Variants in MTUS2 observed in about 807,000 individuals in gnomAD.
MTUS2 encodes microtubule-associated tumor suppressor candidate 2.
A neutral mutation model predicts 114.1 loss-of-function variants in MTUS2; 40 were observed. That is an observed-to-expected ratio of 0.35 (90% confidence interval 0.27 to 0.46). The LOEUF (loss-of-function observed/expected upper bound fraction) is 0.46. MTUS2 is among the 20% of genes least tolerant of loss of function. MTUS2 has a pLI of 1.00. For missense variants in MTUS2, 1,679 were observed against 1,705.4 expected (o/e 0.98, Z 0.27); for synonymous variants, 688 against 672.0 (o/e 1.02, Z -0.37).
At position 29,319,160 on chromosome 13, in the gene MTUS2, A is replaced by G. The variant is rs917587948; in HGVS notation, c.2807-5453A>G. Among the ~76,000 whole-genome samples, 26 of 152,190 alleles carry G rather than the reference A, an allele frequency of 1.7e-4. No individual in the cohort carries two copies. In the East Asian group the frequency reaches 5.0e-3, roughly 29 times the overall value. ...CTGTGCATTTATTGATTAAGGAGCT[A>G]TTTTCTCTGGCCGGCATTGTATTAT... On this transcript the variant is annotated intron_variant, in intron 6 of 15. Coordinates refer to ENST00000612955, the MANE Select transcript of MTUS2 (RefSeq NM_001033602.4).
intron 8 of MTUS2, among the ~76,000 whole-genome samples, chr13:29,392,420 G>C (rs924554651): frequency 1.3e-5 from 2 of 152,136 alleles, no homozygotes; most frequent in Admixed American, 1.3e-4. Flanking sequence ...TGGGATCTGT[G>C]CAGAGTGCAG....
chr13:29,466,491 C>T (rs780272492), intron 9 of MTUS2, among the ~76,000 whole-genome samples: 9 of 152,158 alleles, frequency 5.9e-5, no homozygotes, highest in Non-Finnish European at 1.3e-4. Flanking sequence ...GAAAATCATG[C>T]CTTTCCTGTT....
intron 2 of MTUS2, among the ~76,000 whole-genome samples, chr13:28,842,359 G>A (rs1875569442): frequency 6.6e-6 from 1 of 152,116 alleles, no homozygotes; most frequent in South Asian, 2.1e-4. Flanking sequence ...AACACCAAGG[G>A]GAGTGAGAAT....
intron 4 of MTUS2, among the ~76,000 whole-genome samples, chr13:29,054,810 A>G (rs925614978): frequency 9.2e-5 from 14 of 152,070 alleles, no homozygotes; most frequent in South Asian, 2.1e-4. Context: ...AAGATTTTCT[A>G]ATTTCTCTCA....
At chr13:29,045,352 G>C (rs1887566074) in intron 4 of MTUS2, among the ~76,000 whole-genome samples, 1 of 152,152 alleles carries the variant, frequency 6.6e-6, no homozygotes, top group African/African-American at 2.4e-5. Flanking sequence ...ATGGGGGAGA[G>C]ATAGATTATT....
At chr13:28,963,315 C>T (rs749762777) in intron 2 of MTUS2, among the ~76,000 whole-genome samples, 25 of 152,178 alleles carry the variant, frequency 1.6e-4, no homozygotes, top group Non-Finnish European at 2.9e-4. Context: ...CGTGCCACTG[C>T]ACTCCAGCCT....
At chr13:29,193,581 A>G (rs1304030806) in intron 5 of MTUS2, among the ~76,000 whole-genome samples, 1 of 152,212 alleles carries the variant, frequency 6.6e-6, no homozygotes, top group Non-Finnish European at 1.5e-5. Context: ...CCACTGCTCA[A>G]TGAAATAAAA....
intron 9 of MTUS2, among the ~76,000 whole-genome samples, chr13:29,441,670 C>T (rs977008549): frequency 6.6e-6 from 1 of 152,116 alleles, no homozygotes; most frequent in Non-Finnish European, 1.5e-5. Context: ...CTGCCCAATG[C>T]CAGGGACTGT....
chr13:28,885,808 T>A (rs1329410408), intron 2 of MTUS2, among the ~76,000 whole-genome samples: 1 of 152,212 alleles, frequency 6.6e-6, no homozygotes, highest in Non-Finnish European at 1.5e-5. Context: ...GAGGATATAG[T>A]AGTGGACAAA....
intron 2 of MTUS2, among the ~76,000 whole-genome samples, chr13:28,936,130 T>C (rs1227202189): frequency 6.6e-6 from 1 of 152,178 alleles, no homozygotes; most frequent in East Asian, 1.9e-4. Context: ...CATGTTCTTT[T>C]ACAGGCCCTG....
intron 4 of MTUS2, among the ~76,000 whole-genome samples, chr13:29,096,485 C>G (rs1181413682): frequency 6.6e-6 from 1 of 152,210 alleles, no homozygotes; most frequent in Non-Finnish European, 1.5e-5. Context: ...CTGGATAGCT[C>G]TTTTCAGTTA....
rs57654117 is a variant in MTUS2 at position 29,088,058 on chromosome 13, C to CAAA, written c.2447-12693_2447-12691dup. Among the ~76,000 whole-genome samples, 199 of 135,520 alleles carry CAAA rather than the reference C, an allele frequency of 1.5e-3. 3 individuals are homozygous for CAAA. Among genetic ancestry groups the CAAA allele is most frequent in the African/African-American group, 5.5e-3 (188 of 33,880 alleles). The allele number at this position is 135,520 out of a possible 152,430, so 88.9% of individuals were successfully genotyped here. ...TGGGTGACAGAGCAAGACTCCGTCTCAAAAAAAAAAAAAAAAAAAAAAAAG... is the reference window on the plus strand; with the variant it reads ...TGGGTGACAGAGCAAGACTCCGTCTCAAAAAAAAAAAAAAAAAAAAAAAAAAAG... On this transcript the variant is annotated intron_variant, in intron 4 of 15. Transcript: ENST00000612955.
intron 2 of MTUS2, 137 bp downstream of exon 2, chr13:28,839,987 A>T (rs1875361287): frequency 6.7e-6 from 1 of 149,426 alleles, no homozygotes; most frequent in Non-Finnish European, 1.5e-5. Flanking sequence ...AAGTGATATT[A>T]TTAATGAAAG....
intron 2 of MTUS2, among the ~76,000 whole-genome samples, chr13:28,903,333 T>C (rs1005896750): frequency 1.3e-5 from 2 of 151,836 alleles, no homozygotes; most frequent in African/African-American, 4.8e-5. Context: ...TACATATGTA[T>C]ACATGTGCCA....
intron 6 of MTUS2, among the ~76,000 whole-genome samples, chr13:29,302,490 C>T (rs1389451033): frequency 6.6e-6 from 1 of 152,180 alleles, no homozygotes; most frequent in East Asian, 1.9e-4. Context: ...CCTGGGATCC[C>T]TGGGAAGATG....
rs1379343225 is a variant in MTUS2 at position 29,499,438 on chromosome 13, G to A, written c.3798+901G>A. 2.6e-5 allele frequency among the ~76,000 whole-genome samples: 4 copies of A among 152,128 alleles called. No homozygotes were observed. The South Asian group carries it at 6.2e-4, about 24-fold the overall frequency. On this transcript the variant is annotated intron_variant, in intron 14 of 15. Transcript: ENST00000612955. ...ATTCTTATTTTTTCCCTTTATTATT[G>A]TTACTTTAAAAATAAACTTTTGATA... is the stretch of plus-strand genomic sequence containing the variant.
intron 3 of MTUS2, among the ~76,000 whole-genome samples, chr13:29,033,581 A>G (rs1228125858): frequency 1.3e-5 from 2 of 152,220 alleles, no homozygotes; most frequent in African/African-American, 4.8e-5. Flanking sequence ...TAGTTTGGCT[A>G]CTCACTCAGA....
At chr13:28,917,429 T>C (rs1880805715) in intron 2 of MTUS2, among the ~76,000 whole-genome samples, 1 of 151,920 alleles carries the variant, frequency 6.6e-6, no homozygotes, top group African/African-American at 2.4e-5. Flanking sequence ...TTGCAGTTTC[T>C]GTCTCATTAT....
At chr13:29,004,666 G>A (rs996100725) in intron 2 of MTUS2, among the ~76,000 whole-genome samples, 2 of 152,310 alleles carry the variant, frequency 1.3e-5, no homozygotes, top group East Asian at 1.9e-4. Context: ...CAGAAAAATA[G>A]TTTGCTAGAA....
Sources: gnomAD v4.1 joint callset for allele counts (sites outside exome capture counted in the v4.1 genomes callset) on GRCh38, gnomAD v4.1.1 for gene constraint, MANE v1.5 for transcripts, NCBI Gene and HGNC (gene_info 2026-07-23, HGNC 2026-07-21) for gene names.